Variants in SMG6 observed in about 807,000 individuals in gnomAD.
SMG6 encodes SMG6 nonsense mediated mRNA decay factor, also known as telomerase-binding protein EST1A.
Under a neutral mutation model 142.2 loss-of-function variants are expected in SMG6, and 66 were observed. That is an observed-to-expected ratio of 0.46 (90% CI 0.38 to 0.57). The LOEUF (loss-of-function observed/expected upper bound fraction) is 0.57. Ranked by LOEUF, SMG6 falls within the 20% of genes least tolerant of loss-of-function variation. SMG6 has a pLI of 0.00. For synonymous variants in SMG6, 779 were observed against 702.4 expected (o/e 1.11, Z -1.72); for missense variants, 1,793 against 1,832.0 (o/e 0.98, Z 0.39).
rs775086121 is a variant in SMG6 at position 2,299,610 on chromosome 17, G to A, written c.1143C>T (p.Gly381=). ...CAGAGCCTTTGCCCCCACTGCTCAA[G>A]CCTTTGTCAGGCTTTCCTCTATCCA... ...DDMDRGKPDK[G]LSSGGKGSEK... is the part of the protein sequence containing the mutation. The change falls in exon 2 of 19, where the codon GGC becomes GGT. Residue 381 remains glycine (G), a synonymous_variant. Transcript: ENST00000263073. This position sits in a 1 kb window ranked among gnomAD's most constrained non-coding sequence, Gnocchi z 4.3. 12 of 1,614,064 alleles carry A rather than the reference G, an allele frequency of 7.4e-6. No individual in the cohort carries two copies. Among genetic ancestry groups the A allele is most frequent in the Non-Finnish European group, 1.0e-5 (12 of 1,180,036 alleles).
At chr17:2,102,716 C>T (rs146523969) in intron 13 of SMG6, among the ~76,000 whole-genome samples, 1 of 152,000 alleles carries the variant, frequency 6.6e-6, no homozygotes, top group Non-Finnish European at 1.5e-5. Flanking sequence ...TTATGCTCAC[C>T]ATGCTGTTCA....
At chr17:2,250,519 C>G (rs1422467051) in intron 8 of SMG6, among the ~76,000 whole-genome samples, 1 of 151,916 alleles carries the variant, frequency 6.6e-6, no homozygotes, top group African/African-American at 2.4e-5. Flanking sequence ...TTCTAAGTAG[C>G]TGGGCCTACA....
chr17:2,100,103 T>C (rs111853195), intron 13 of SMG6, among the ~76,000 whole-genome samples: 10,020 of 149,902 alleles, frequency 0.067, 441 homozygotes, highest in Middle Eastern at 0.12. Flanking sequence ...AGTGGCACAA[T>C]CTTGGCTCAC....
chr17:2,173,125 A>G (rs1288027686), intron 12 of SMG6: 3 of 470,512 alleles, frequency 6.4e-6, no homozygotes, highest in East Asian at 4.0e-5. Context: ...TTGGAGACTC[A>G]GTTGCCTAAT....
intron 13 of SMG6, among the ~76,000 whole-genome samples, chr17:2,169,873 G>T (rs1216619789): frequency 6.6e-6 from 1 of 152,158 alleles, no homozygotes; most frequent in Non-Finnish European, 1.5e-5. Flanking sequence ...AGGAACCAGA[G>T]CAACCAGTCA....
intron 13 of SMG6, among the ~76,000 whole-genome samples, chr17:2,096,243 G>A (rs1052193859): frequency 2.0e-5 from 3 of 151,926 alleles, no homozygotes; most frequent in African/African-American, 7.3e-5. Context: ...TCACTGTATC[G>A]CCCAGGCTGG....
chr17:2,066,314 G>A (rs1366275421), intron 16 of SMG6, among the ~76,000 whole-genome samples: 3 of 151,430 alleles, frequency 2.0e-5, no homozygotes, highest in African/African-American at 4.9e-5. Context: ...ACATGTATGT[G>A]TGTGTGTACA....
rs185557493 is a variant in SMG6 at position 2,149,756 on chromosome 17, C to T, written c.3357+22902G>A. On this transcript the variant is annotated intron_variant, in intron 13 of 18. Transcript: ENST00000263073. ...TTGTCTTTTTATGGGTTGGGCCCTC[C>T]AAGAAACAGAGCTGGCTCTTAGTCC... 1.1e-4 allele frequency among the ~76,000 whole-genome samples: 17 copies of T among 152,300 alleles called. No homozygotes were observed. In the East Asian group the frequency reaches 2.9e-3, roughly 26 times the overall value.
At chr17:2,209,718 C>T (rs144486447) in intron 10 of SMG6, among the ~76,000 whole-genome samples, 1 of 152,290 alleles carries the variant, frequency 6.6e-6, no homozygotes, top group Non-Finnish European at 1.5e-5. Context: ...CCAGCCTGGT[C>T]TCGAACTCCT....
chr17:2,108,290 G>A (rs906922287), intron 13 of SMG6, among the ~76,000 whole-genome samples: 11 of 152,106 alleles, frequency 7.2e-5, no homozygotes, highest in African/African-American at 2.4e-4. Context: ...AATCCCCAGC[G>A]TCCACTATGA....
rs1433388244 is a variant in SMG6 at position 2,274,506 on chromosome 17, G to A, written c.2661+8141C>T. Among the ~76,000 whole-genome samples, 4 of 152,128 alleles carry A rather than the reference G, an allele frequency of 2.6e-5. No individual in the cohort carries two copies. The East Asian group carries it at 7.7e-4, about 29-fold the overall frequency. On this transcript the variant is annotated intron_variant, in intron 8 of 18. Transcript: ENST00000263073. ...GAAGAGCAAAAGGAGAGAGAACAAG[G>A]TAAACAAAATCATTTGTTGGGTGAA...
rs747565506 is a variant in SMG6 at position 2,282,629 on chromosome 17, T to C, written c.2661+18A>G. ...TACTGAGCTAGTTTGGCTCATTGCA[T>C]CATTCTCAGGAACTTACATCACTGG... On this transcript the variant is annotated intron_variant, in intron 8 of 18. Transcript: ENST00000263073. The C allele has an allele frequency of 6.2e-7, 1 of 1,612,800 alleles. No homozygotes were observed. The highest frequency in any genetic ancestry group is 1.7e-5 in the Admixed American group (1 of 60,000).
At chr17:2,242,513 G>A (rs1177416368) in intron 9 of SMG6, among the ~76,000 whole-genome samples, 1 of 150,716 alleles carries the variant, frequency 6.6e-6, no homozygotes, top group Non-Finnish European at 1.5e-5. Context: ...CTGGGCGACA[G>A]AGCGAGACTT....
intron 8 of SMG6, among the ~76,000 whole-genome samples, chr17:2,254,734 C>A (rs1278592502): frequency 6.6e-6 from 1 of 152,170 alleles, no homozygotes; most frequent in African/African-American, 2.4e-5. Flanking sequence ...TCAACAAAAA[C>A]CTACTGGGCA....
chr17:2,131,595 C>G (rs2070124488), intron 13 of SMG6, among the ~76,000 whole-genome samples: 1 of 152,192 alleles, frequency 6.6e-6, no homozygotes, highest in Admixed American at 6.6e-5. Flanking sequence ...CCCCCATGCC[C>G]AGCCAGAAAG....
At chr17:2,256,788 T>C (rs1567723432) in intron 8 of SMG6, among the ~76,000 whole-genome samples, 2 of 151,054 alleles carry the variant, frequency 1.3e-5, no homozygotes, top group African/African-American at 2.4e-5. Context: ...AAAAAATAGA[T>C]AGACAGATTT....
chr17:2,162,828 C>T (rs539398425), intron 13 of SMG6, among the ~76,000 whole-genome samples: 10 of 152,196 alleles, frequency 6.6e-5, no homozygotes, highest in Admixed American at 4.6e-4. Flanking sequence ...TATTGCTAAT[C>T]TTGATTTTCC....
At chr17:2,236,926 CT>C in intron 9 of SMG6, 1 of 805,652 alleles carries the variant, frequency 1.2e-6, no homozygotes, top group Non-Finnish European at 1.6e-6. Flanking sequence ...TTCCTCACCC[CT>C]GGCAATAACT....
intron 16 of SMG6, 81 bp from the exon 17 acceptor site, chr17:2,065,760 C>T: frequency 8.5e-7 from 1 of 1,181,582 alleles, no homozygotes; most frequent in Middle Eastern, 2.1e-4. Flanking sequence ...CTTTCCCAGC[C>T]AACACCTTCC....
Sources: gnomAD v4.1 joint callset for allele counts (sites outside exome capture counted in the v4.1 genomes callset) on GRCh38, gnomAD v4.1.1 for gene constraint, Gnocchi (gnomAD v3.1) non-coding constraint, MANE v1.5 for transcripts, NCBI Gene and HGNC (gene_info 2026-07-23, HGNC 2026-07-21) for gene names.